The following RNF115 variants were observed in gnomAD, a reference collection of about 807,000 sequenced individuals.
RNF115 encodes the protein E3 ubiquitin-protein ligase RNF115.
In RNF115, 31 loss-of-function variants were observed where a neutral mutation model predicts 39.2. That is an observed-to-expected ratio of 0.79 (90% CI 0.59 to 1.07). The LOEUF (loss-of-function observed/expected upper bound fraction) is 1.07, where lower values mean the gene tolerates loss of function less well. RNF115 is among the 50% of genes least tolerant of loss of function. The pLI is 0.00. For missense variants in RNF115, 384 were observed against 381.7 expected (o/e 1.01, Z -0.05); for synonymous variants, 124 against 131.0 (o/e 0.95, Z 0.37).
At chr1:145,775,139 C>T (rs939269530) in intron 3 of RNF115, among the ~76,000 whole-genome samples, 3 of 152,048 alleles carry the variant, frequency 2.0e-5, no homozygotes, top group Non-Finnish European at 4.4e-5. Context: ...TCCAGCTACT[C>T]GGGAGGCTGA....
intron 1 of RNF115, among the ~76,000 whole-genome samples, chr1:145,811,908 A>C (rs1302827869): frequency 1.8e-5 from 1 of 55,152 alleles, no homozygotes; most frequent in African/African-American, 5.7e-5. Flanking sequence ...AAAAAAAAAA[A>C]ATATATATAT....
chr1:145,753,326 G>T (rs979901253), intron 4 of RNF115, among the ~76,000 whole-genome samples: 20 of 152,244 alleles, frequency 1.3e-4, no homozygotes, highest in African/African-American at 4.8e-4. Flanking sequence ...TTCAAACTAT[G>T]TTCCCTGAAT....
At chr1:145,764,551 C>A (rs1370173811) in intron 4 of RNF115, among the ~76,000 whole-genome samples, 3 of 150,184 alleles carry the variant, frequency 2.0e-5, no homozygotes, top group African/African-American at 4.9e-5. Flanking sequence ...AAGTGAGGAG[C>A]CCCTCCGCCC....
chr1:145,789,408 T>C (rs939055525), intron 1 of RNF115, among the ~76,000 whole-genome samples: 1 of 151,520 alleles, frequency 6.6e-6, no homozygotes, highest in African/African-American at 2.4e-5. Context: ...GCCTAGTTTT[T>C]TTTCTTTTTT....
chr1:145,752,809 G>A (rs587697282), intron 5 of RNF115, among the ~76,000 whole-genome samples, 169 bp downstream of exon 5: 56 of 151,770 alleles, frequency 3.7e-4, no homozygotes, highest in African/African-American at 7.0e-4. Context: ...GGATGGCCTC[G>A]ATCTCCTGAC....
At chr1:145,764,071 G>A (rs1382219233) in intron 4 of RNF115, among the ~76,000 whole-genome samples, 2 of 152,248 alleles carry the variant, frequency 1.3e-5, no homozygotes, top group African/African-American at 4.8e-5. Context: ...GCGCCACCAC[G>A]CCTGACTGGT....
At chr1:145,793,653 G>C (rs961468543) in intron 1 of RNF115, among the ~76,000 whole-genome samples, 6 of 151,516 alleles carry the variant, frequency 4.0e-5, no homozygotes, top group Non-Finnish European at 8.8e-5. Flanking sequence ...CCCTCGAGAG[G>C]TGGCATATCA....
intron 8 of RNF115, among the ~76,000 whole-genome samples, chr1:145,747,661 A>G (rs1422830420): frequency 6.6e-6 from 1 of 152,146 alleles, no homozygotes; most frequent in Non-Finnish European, 1.5e-5. Flanking sequence ...TACATAAGGG[A>G]CAGAAAATAA....
At chr1:145,749,880 A>C (rs2101457946) in intron 7 of RNF115, among the ~76,000 whole-genome samples, 1 of 152,326 alleles carries the variant, frequency 6.6e-6, no homozygotes, top group African/African-American at 2.4e-5. Flanking sequence ...ATGGGAACAG[A>C]AACTCCCAGA....
At chr1:145,762,932 C>T (rs914769108) in intron 4 of RNF115, among the ~76,000 whole-genome samples, 2 of 152,128 alleles carry the variant, frequency 1.3e-5, no homozygotes, top group East Asian at 3.8e-4. Context: ...CATGTTCTCA[C>T]TTATACATGG....
At chr1:145,802,121 A>G (rs782705279) in intron 1 of RNF115, among the ~76,000 whole-genome samples, 12 of 152,150 alleles carry the variant, frequency 7.9e-5, no homozygotes, top group Non-Finnish European at 1.5e-4. Context: ...GTAAAAGAAA[A>G]GCATAACAAA....
rs782407311 is a variant in RNF115, at chr1:145,788,790, A to ACTCTCG, written c.161+112_161+117dup. ...CTCATGCACTCACTCTCTCTCTCTCACTCTCGCTCTCTCTGTAGAGTGTAA... is the reference window on the plus strand; with the variant it reads ...CTCATGCACTCACTCTCTCTCTCTCACTCTCGCTCTCGCTCTCTCTGTAGAGTGTAA... On this transcript the variant is annotated intron_variant, in intron 2 of 8. Coordinates refer to ENST00000582693, the MANE Select transcript of RNF115 (RefSeq NM_014455.4). The ACTCTCG allele has an allele frequency of 3.9e-6, 3 of 775,644 alleles. No individual in the cohort carries two copies. In the Admixed American group the frequency reaches 5.7e-5, roughly 15 times the overall value. 48.0% of individuals were successfully genotyped at this position (775,644 alleles called of 1,614,324 possible).
At chr1:145,819,354 TG>T (rs1166459880) in intron 1 of RNF115, among the ~76,000 whole-genome samples, 3 of 135,656 alleles carry the variant, frequency 2.2e-5, no homozygotes, top group African/African-American at 8.3e-5. Flanking sequence ...GAGGCTAAGG[TG>T]GGAGGATCAC....
Position 145,752,585 on chromosome 1 carries a change from C to CTTTTTTTTT in RNF115, c.500+384_500+392dup, listed in dbSNP as rs60257682. The stretch of plus-strand genomic sequence containing the variant: ...CATCTACATACTCACCTATGCAGCT[C>CTTTTTTTTT]TTTTTTTTTTTTTTTTTTTTTGAGA... On this transcript the variant is annotated intron_variant, in intron 5 of 8. Transcript: ENST00000582693. Among the ~76,000 whole-genome samples, 365 of 83,754 alleles carry CTTTTTTTTT rather than the reference C, an allele frequency of 4.4e-3. 47 individuals are homozygous for CTTTTTTTTT. Among genetic ancestry groups the CTTTTTTTTT allele is most frequent in the African/African-American group, 0.01 (177 of 17,410 alleles). 54.9% of individuals were successfully genotyped at this position (83,754 alleles called of 152,430 possible).
At position 145,748,045 on chromosome 1, in the gene RNF115, G is replaced by T. The variant is rs1553711991; in HGVS notation, c.733C>A (p.Pro245Thr). The T allele has an allele frequency of 1.9e-6, 3 of 1,613,900 alleles. No individual in the cohort carries two copies. The highest frequency in any genetic ancestry group is 1.7e-6 in the Non-Finnish European group (2 of 1,179,810). ...YTVEEEVRQL[P>T]CNHFFHSSCI... ...CTGCTGTGAAAGAAGTGATTGCAAG[G>T]TAACTGCCGGACTTCCTCTTCAACT... is the stretch of plus-strand genomic sequence containing the variant. The change falls in exon 8 of 9, where the codon CCT (proline) becomes ACT (threonine). Residue 245 changes from proline to threonine, a missense_variant. Transcript: ENST00000582693.
chr1:145,752,249 A>C (rs1293744939), intron 5 of RNF115, among the ~76,000 whole-genome samples: 5 of 152,176 alleles, frequency 3.3e-5, no homozygotes, highest in African/African-American at 1.2e-4. Context: ...TTCTTCTGAC[A>C]AATCCTCTTA....
chr1:145,773,921 A>G (rs1647763394), intron 3 of RNF115: 2 of 152,206 alleles, frequency 1.3e-5, no homozygotes, highest in African/African-American at 2.4e-5. Flanking sequence ...ATCAGGCACC[A>G]GCATGGGGAA....
chr1:145,824,037 C>G lies in RNF115; in HGVS notation c.-164G>C, dbSNP rs1270526373. Reference sequence around the variant, plus strand: ...TTGGCCAGGCCCAGAAACGCGGCGGCGCCAACAGCTACCCTGCGGCCCGCC... The same window carrying G: ...TTGGCCAGGCCCAGAAACGCGGCGGGGCCAACAGCTACCCTGCGGCCCGCC... On this transcript the variant is annotated 5_prime_UTR_variant, in exon 1 of 9. Transcript: ENST00000582693. 2.0e-6 allele frequency: 1 copy of G among 505,984 alleles called. No homozygotes were observed. Among genetic ancestry groups the G allele is most frequent in the East Asian group, 3.6e-5 (1 of 27,530 alleles). The allele number at this position is 505,984 out of a possible 1,614,324, so 31.3% of individuals were successfully genotyped here.
chr1:145,811,800 T>G (rs1198592773), intron 1 of RNF115, among the ~76,000 whole-genome samples: 5 of 84,708 alleles, frequency 5.9e-5, no homozygotes, highest in African/African-American at 2.0e-4. Flanking sequence ...CGAGCATCGC[T>G]TGAAGCACCC....
Sources: allele counts gnomAD v4.1 joint callset (sites outside exome capture counted in the v4.1 genomes callset), GRCh38; gene constraint gnomAD v4.1.1; transcripts MANE v1.5; gene names NCBI Gene and HGNC (gene_info 2026-07-23, HGNC 2026-07-21).